Variants in OPTN observed in about 807,000 individuals in gnomAD.
The protein encoded by OPTN is optineurin, also known as E3-14.7K-interacting protein.
OPTN carries 54 observed loss-of-function variants against 70.4 expected under a neutral mutation model. That is an observed-to-expected ratio of 0.77 (90% CI 0.62 to 0.96). The LOEUF is 0.96. Among genes scored for constraint, OPTN ranks in the 40% least tolerant of loss-of-function variants. The pLI is 0.00. For missense variants in OPTN, 624 were observed against 673.2 expected (o/e 0.93, Z 0.81); for synonymous variants, 256 against 248.5 (o/e 1.03, Z -0.28).
In OPTN at chr10:13,104,944, C is replaced by T. The variant is rs11258188; in HGVS notation, c.-163-3194C>T. The stretch of plus-strand genomic sequence containing the variant: ...CAGTGGCTGCTGGTGGTAACTACGC[C>T]GACGTGCGAGCTCTGCTACTAATTT... On this transcript the variant is annotated intron_variant, in intron 1 of 14. Coordinates refer to ENST00000378747, the MANE Select transcript of OPTN (RefSeq NM_001008212.2). 2.1e-4 allele frequency among the ~76,000 whole-genome samples: 32 copies of T among 151,312 alleles called. No individual in the cohort carries two copies. In the East Asian group the frequency reaches 5.7e-3, roughly 27 times the overall value.
At chr10:13,134,067 C>T (rs1317819609) in intron 14 of OPTN, among the ~76,000 whole-genome samples, 1 of 152,194 alleles carries the variant, frequency 6.6e-6, no homozygotes, top group Non-Finnish European at 1.5e-5. Context: ...TCTCGGTCTC[C>T]CAAAGTACCG....
Position 13,123,988 on chromosome 10 carries a change from A to G in OPTN, c.883-7A>G. 4 of 1,600,502 alleles carry G rather than the reference A, an allele frequency of 2.5e-6. No homozygotes were observed. Among genetic ancestry groups the G allele is most frequent in the Non-Finnish European group, 2.6e-6 (3 of 1,167,766 alleles). On this transcript the variant is annotated splice_region_variant and splice_polypyrimidine_tract_variant and intron_variant, in intron 8 of 14. Transcript: ENST00000378747. ...TACAGATATGTTTGGGATTTCCCGT[A>G]TGATAGGTTGGAAGCGAAGTGGAAG...
Position 13,109,239 on chromosome 10 carries a change from G to A in OPTN, c.117G>A (p.Glu39=), listed in dbSNP as rs762907608. 1.2e-6 allele frequency: 2 copies of A among 1,613,854 alleles called. No homozygotes were observed. Among genetic ancestry groups the A allele is most frequent in the African/African-American group, 2.7e-5 (2 of 74,918 alleles). The change falls in exon 3 of 15, where the codon GAG becomes GAA. Residue 39 remains glutamate (E), a synonymous_variant. Transcript: ENST00000378747. ...HPNLDTFTPE[E]LLQQMKELLT... ...ACCTGGACACGTTTACCCCGGAGGA[G>A]CTGCTGCAGCAGATGAAAGAGCTCC...
intron 1 of OPTN, among the ~76,000 whole-genome samples, chr10:13,106,755 T>G (rs1832874054): frequency 6.6e-6 from 1 of 152,258 alleles, no homozygotes; most frequent in South Asian, 2.1e-4. Flanking sequence ...GCATTTTGTT[T>G]TATTTTAATT....
At chr10:13,128,030 T>A in intron 12 of OPTN, 127 bp downstream of exon 12, 1 of 1,085,756 alleles carries the variant, frequency 9.2e-7, no homozygotes, top group Non-Finnish European at 1.4e-6. Context: ...GTGAGTGTAT[T>A]AAAACTTTAA....
chr10:13,121,062 A>G (rs658064), intron 7 of OPTN, among the ~76,000 whole-genome samples: 41,939 of 151,978 alleles, frequency 0.28, 5,973 homozygotes, highest in South Asian at 0.35. Context: ...CCGTGATTCA[A>G]TTACCTCCAC....
At chr10:13,129,426 C>G (rs192708828) in intron 12 of OPTN, among the ~76,000 whole-genome samples, 100 of 151,674 alleles carry the variant, frequency 6.6e-4, no homozygotes, top group African/African-American at 2.4e-3. Context: ...GATCTTGGCT[C>G]ACTGCAACCT....
In OPTN at chr10:13,118,964, C is replaced by T. The variant is rs1371904281; in HGVS notation, c.703C>T (p.Gln235Ter). ...CGAACATGAGGAGTTAACTGTGAGC[C>T]AGCTCCTGCTGTGCCTAAGGGAAGG... ...YFEHEELTVS[Q>*]LLLCLREGNQ... is the part of the protein sequence containing the mutation. The change falls in exon 7 of 15, where the codon CAG becomes TAG. Residue 235 changes from glutamine (Q) to a stop codon, truncating the protein, a stop_gained. Transcript: ENST00000378747. LOFTEE classifies it high-confidence loss of function. 3.7e-6 allele frequency: 6 copies of T among 1,613,700 alleles called. No homozygotes were observed. Among genetic ancestry groups the T allele is most frequent in the Non-Finnish European group, 5.1e-6 (6 of 1,179,776 alleles).
chr10:13,136,706 G>A (rs1408104461), intron 14 of OPTN, 39 bp from the exon 15 acceptor site: 1 of 1,613,158 alleles, frequency 6.2e-7, no homozygotes, highest in Non-Finnish European at 8.5e-7. Context: ...ACAACTGCCT[G>A]CAAAATGGAA....
At chr10:13,121,870 A>G (rs1833359366) in intron 7 of OPTN, among the ~76,000 whole-genome samples, 1 of 152,056 alleles carries the variant, frequency 6.6e-6, no homozygotes, top group African/African-American at 2.4e-5. Flanking sequence ...CATCTGTTCA[A>G]CCCATTATCT....
intron 7 of OPTN, among the ~76,000 whole-genome samples, chr10:13,119,691 T>C (rs1434078429): frequency 1.3e-5 from 2 of 152,320 alleles, no homozygotes. Flanking sequence ...CATTCCACTT[T>C]CTCCACGTCC....
Position 13,112,513 on chromosome 10 carries a change from A to G in OPTN, c.430A>G (p.Arg144Gly), listed in dbSNP as rs1431906155. The part of the protein sequence containing the change: ...AEAEQEKDQL[R>G]TQVVRLQAEK... Reference sequence around the variant, plus strand: ...AGCGGAGCAGGAAAAGGACCAGCTCAGGACCCAGGTGGTGAGGCTACAAGC... The same window carrying G: ...AGCGGAGCAGGAAAAGGACCAGCTCGGGACCCAGGTGGTGAGGCTACAAGC... The change falls in exon 5 of 15, where the codon AGG becomes GGG. Residue 144 changes from arginine to glycine, a missense_variant. Coordinates refer to ENST00000378747, the MANE Select transcript of OPTN (RefSeq NM_001008212.2). 6.2e-7 allele frequency: 1 copy of G among 1,614,060 alleles called. No individual in the cohort carries two copies. The highest frequency in any genetic ancestry group is 8.5e-7 in the Non-Finnish European group (1 of 1,179,958).
rs779737970 is a variant in OPTN, at chr10:13,127,915, T to C, written c.1401+12T>C. ...TCCTCAGGGCTCAGGTGAGGCACCT[T>C]CCAAAACCCCAGCTGAGCGAGGCCA... On this transcript the variant is annotated intron_variant, in intron 12 of 14. Transcript: ENST00000378747. 7.4e-6 allele frequency: 12 copies of C among 1,613,886 alleles called. No individual in the cohort carries two copies. In the South Asian group the frequency reaches 1.3e-4, roughly 18 times the overall value.
intron 6 of OPTN, among the ~76,000 whole-genome samples, chr10:13,117,176 G>A (rs1459734395): frequency 6.8e-6 from 1 of 146,552 alleles, no homozygotes; most frequent in African/African-American, 2.5e-5. Flanking sequence ...CGCCTCCCGG[G>A]TTCACGCCAT....
rs115977533 is a variant in OPTN, at chr10:13,124,299, G to A, written c.998+189G>A. Among the ~76,000 whole-genome samples, 724 of 152,270 alleles carry A rather than the reference G, an allele frequency of 4.8e-3. 5 individuals carry two copies. Among genetic ancestry groups the A allele is most frequent in the African/African-American group, 0.015 (629 of 41,568 alleles). On this transcript the variant is annotated intron_variant, in intron 9 of 14. Transcript: ENST00000378747. ...AGCATGAAATACTTGTAAGATGGGGGGTTGGGGACTGGAGAACTTTAATTC... is the reference window on the plus strand; with the variant it reads ...AGCATGAAATACTTGTAAGATGGGGAGTTGGGGACTGGAGAACTTTAATTC...
At chr10:13,130,148 C>T (rs552604743) in intron 12 of OPTN, among the ~76,000 whole-genome samples, 1 of 152,026 alleles carries the variant, frequency 6.6e-6, no homozygotes, top group Non-Finnish European at 1.5e-5. Flanking sequence ...CAGAGACGGC[C>T]GGGCATGGTG....
intron 6 of OPTN, among the ~76,000 whole-genome samples, chr10:13,118,354 C>T (rs749855806): frequency 3.9e-5 from 6 of 152,154 alleles, no homozygotes; most frequent in African/African-American, 1.4e-4. Flanking sequence ...ATTTTGAAAT[C>T]GAGAAAAATA....
In OPTN at chr10:13,110,273, G is replaced by A. The variant is rs764745062; in HGVS notation, c.167-1G>A. Reference sequence around the variant, plus strand: ...ACTCCATCACTCTGAACCTCCTGCAGAAGCCATGAAGCTAAATAATCAAGC... The same window carrying A: ...ACTCCATCACTCTGAACCTCCTGCAAAAGCCATGAAGCTAAATAATCAAGC... On this transcript the variant is annotated splice_acceptor_variant, in intron 3 of 14. Transcript: ENST00000378747. LOFTEE classifies it high-confidence loss of function. The A allele has an allele frequency of 6.2e-7, 1 of 1,613,706 alleles. No homozygotes were observed. The highest frequency in any genetic ancestry group is 8.5e-7 in the Non-Finnish European group (1 of 1,179,920).
intron 1 of OPTN, among the ~76,000 whole-genome samples, chr10:13,107,418 G>A (rs1485806412): frequency 2.3e-5 from 3 of 131,716 alleles, no homozygotes; most frequent in Non-Finnish European, 3.2e-5. Context: ...AGACTCTGTC[G>A]CCCATGCTGG....
Sources: gnomAD v4.1 joint callset for allele counts (sites outside exome capture counted in the v4.1 genomes callset) on GRCh38, gnomAD v4.1.1 for gene constraint, MANE v1.5 for transcripts, NCBI Gene and HGNC (gene_info 2026-07-23, HGNC 2026-07-21) for gene names.